TUB: variants seen among roughly 807,000 people sequenced by gnomAD.
TUB encodes tubby protein homolog.
A neutral mutation model predicts 59.7 loss-of-function variants in TUB; 33 were observed. The ratio of observed to expected loss-of-function variants is 0.55; its 90% confidence interval spans 0.42 to 0.74. The LOEUF (loss-of-function observed/expected upper bound fraction) is 0.74. TUB is among the 30% of genes least tolerant of loss of function. The pLI is 0.00. For missense variants in TUB, 659 were observed against 672.0 expected, an observed-to-expected ratio of 0.98 and a Z score of 0.21; for synonymous variants, 293 against 256.4, an observed-to-expected ratio of 1.14 and a Z score of -1.36.
In TUB at chr11:8,038,870, C is replaced by T. The variant is rs369936215; in HGVS notation, c.-4C>T. 27 of 1,613,650 alleles carry T rather than the reference C, an allele frequency of 1.7e-5. No individual in the cohort carries two copies. Among genetic ancestry groups the T allele is most frequent in the Non-Finnish European group, 2.3e-5 (27 of 1,179,826 alleles). On this transcript the variant is annotated 5_prime_UTR_variant, in exon 1 of 13. Transcript: ENST00000305253. ...CCTTAAACCCACTCCATCCTGTGGC[C>T]ACGATGGGGGCCAGGACACCTTTGC...
intron 8 of TUB, among the ~76,000 whole-genome samples, chr11:8,098,199 C>A (rs1944088438): frequency 6.6e-6 from 1 of 151,366 alleles, no homozygotes; most frequent in Admixed American, 6.6e-5. Context: ...ACACAGCAAT[C>A]TTGGGGGTGG....
chr11:8,081,043 C>CG (rs1310352723), upstream of TUB, among the ~76,000 whole-genome samples: 1 of 151,674 alleles, frequency 6.6e-6, no homozygotes, highest in African/African-American at 2.4e-5. Context: ...CGCCGTTAGC[C>CG]GAAGGTGGGA....
rs1406036856 is a variant in TUB, at chr11:8,103,486, G to A, written c.*1867G>A. On this transcript the variant is annotated 3_prime_UTR_variant, in exon 12 of 12. Coordinates refer to ENST00000299506, the MANE Select transcript of TUB (RefSeq NM_177972.3). ...AGAAGTAATATGCTCTCATTTCTTTGTAATCTAGATTTTCCTATGTTGAAT... is the reference window on the plus strand; with the variant it reads ...AGAAGTAATATGCTCTCATTTCTTTATAATCTAGATTTTCCTATGTTGAAT... 6.6e-6 allele frequency: 1 copy of A among 152,574 alleles called. No individual in the cohort carries two copies. The highest frequency in any genetic ancestry group is 1.5e-5 in the Non-Finnish European group (1 of 68,034). 9.5% of individuals were successfully genotyped at this position (152,574 alleles called of 1,614,324 possible). A position where few individuals can be genotyped will look rare whatever the true frequency, so the allele number is the denominator to read the frequency against.
At chr11:8,095,795 A>G in intron 5 of TUB, 130 bp downstream of exon 5, 1 of 1,015,240 alleles carries the variant, frequency 9.8e-7, no homozygotes, top group Non-Finnish European at 1.4e-6. Context: ...GGTGGGGCAC[A>G]CTTCGGAGAC....
In TUB at chr11:8,102,070, G is replaced by A. The variant is rs1009729564; in HGVS notation, c.*451G>A. 1.5e-4 allele frequency: 24 copies of A among 164,406 alleles called. No individual in the cohort carries two copies. The highest frequency in any genetic ancestry group is 2.9e-4 in the Non-Finnish European group (22 of 75,730). 10.2% of individuals were successfully genotyped at this position (164,406 alleles called of 1,614,324 possible). A position where few individuals can be genotyped will look rare whatever the true frequency, so the allele number is the denominator to read the frequency against. On this transcript the variant is annotated 3_prime_UTR_variant, in exon 12 of 12. Coordinates refer to ENST00000299506, the MANE Select transcript of TUB (RefSeq NM_177972.3). Reference sequence around the variant, plus strand: ...GTAGGGGCACAGTGAATGTGTGTATGTATGAAGGCCACATCAACTTTATGT... The same window carrying A: ...GTAGGGGCACAGTGAATGTGTGTATATATGAAGGCCACATCAACTTTATGT...
intron 1 of TUB, among the ~76,000 whole-genome samples, chr11:8,087,425 T>G (rs1943688744): frequency 6.6e-6 from 1 of 152,228 alleles, no homozygotes; most frequent in African/African-American, 2.4e-5. Context: ...TGGCCCCTCC[T>G]GCTGGCACAA....
At chr11:8,071,665 T>TACA (rs1943362288) in intron 2 of TUB, among the ~76,000 whole-genome samples, 1 of 152,098 alleles carries the variant, frequency 6.6e-6, no homozygotes, top group South Asian at 2.1e-4. Flanking sequence ...GCCAGGAGGA[T>TACA]GGGGTGGAAT....
chr11:8,051,956 A>C (rs1942941214), intron 2 of TUB, among the ~76,000 whole-genome samples: 1 of 152,200 alleles, frequency 6.6e-6, no homozygotes. Context: ...AGTATTTTGA[A>C]AGGCCATCTT....
chr11:8,044,888 AAG>A (rs1448835472), intron 2 of TUB, among the ~76,000 whole-genome samples: 1 of 152,216 alleles, frequency 6.6e-6, no homozygotes, highest in African/African-American at 2.4e-5. Context: ...AGCCAAATGG[AAG>A]AGACACCTAG....
chr11:8,053,464 A>G (rs1942964798), intron 2 of TUB, among the ~76,000 whole-genome samples: 1 of 152,050 alleles, frequency 6.6e-6, no homozygotes, highest in Non-Finnish European at 1.5e-5. Context: ...CTCTAACTCA[A>G]TAATTGTCTG....
chr11:8,081,286 G>C lies in TUB; in HGVS notation c.-225G>C. The stretch of plus-strand genomic sequence containing the variant: ...GCCTCCACGCGCGCGCACGACCCGC[G>C]CACTCCCGGAGCTTCGCCCATCTCG... On this transcript the variant is annotated 5_prime_UTR_variant, in exon 1 of 12. Coordinates refer to ENST00000299506, the MANE Select transcript of TUB (RefSeq NM_177972.3). The C allele has an allele frequency of 1.2e-6, 1 of 810,552 alleles. No homozygotes were observed. The highest frequency in any genetic ancestry group is 6.4e-4 in the Middle Eastern group (1 of 1,564). 50.2% of individuals were successfully genotyped at this position (810,552 alleles called of 1,614,324 possible).
rs576868019 is a variant in TUB at position 8,102,256 on chromosome 11, T to C, written c.*637T>C. 1.0e-3 allele frequency: 155 copies of C among 152,300 alleles called. No individual in the cohort carries two copies. The highest frequency in any genetic ancestry group is 3.3e-3 in the African/African-American group (138 of 41,516). 9.4% of individuals were successfully genotyped at this position (152,300 alleles called of 1,614,324 possible). A position where few individuals can be genotyped will look rare whatever the true frequency, so the allele number is the denominator to read the frequency against. ...GCAGGTGCCTGGCTTGCTGTGGCTATGGGAATCAGCTGGTGGCTAGGTTTC... is the reference window on the plus strand; with the variant it reads ...GCAGGTGCCTGGCTTGCTGTGGCTACGGGAATCAGCTGGTGGCTAGGTTTC... On this transcript the variant is annotated 3_prime_UTR_variant, in exon 12 of 12. Coordinates refer to ENST00000299506, the MANE Select transcript of TUB (RefSeq NM_177972.3).
intron 2 of TUB, among the ~76,000 whole-genome samples, chr11:8,047,911 T>C (rs556079033): frequency 6.6e-6 from 1 of 152,214 alleles, no homozygotes; most frequent in Non-Finnish European, 1.5e-5. Context: ...TGTGCCACCA[T>C]GCAATATAAC....
chr11:8,068,940 G>T (rs1943302528), intron 2 of TUB: 2 of 152,166 alleles, frequency 1.3e-5, no homozygotes, highest in South Asian at 4.1e-4. Context: ...CGCGATTTGG[G>T]GCAGGAAAGA....
At chr11:8,082,974 A>C (rs78447410) in intron 1 of TUB, among the ~76,000 whole-genome samples, 8,697 of 152,258 alleles carry the variant, frequency 0.057, 783 homozygotes, top group African/African-American at 0.2. Context: ...CTTCAGTCTC[A>C]CATGGATTAG....
chr11:8,070,950 A>AG (rs1413253575), intron 2 of TUB, among the ~76,000 whole-genome samples: 7 of 152,142 alleles, frequency 4.6e-5, no homozygotes, highest in Non-Finnish European at 1.0e-4. Context: ...AACAGACTGC[A>AG]GGGGGGCTGG....
rs1055522231 is a variant in TUB, at chr11:8,049,578, T to TATATATATATAGATAGATAG, written c.203+9889_203+9890insTATATATAGATAGATAGATA. Among the ~76,000 whole-genome samples, 176 of 85,918 alleles carry TATATATATATAGATAGATAG rather than the reference T, an allele frequency of 2.0e-3. 1 individual carries two copies. The highest frequency in any genetic ancestry group is 4.6e-3 in the African/African-American group (130 of 28,554). 56.4% of individuals were successfully genotyped at this position (85,918 alleles called of 152,430 possible). A position where few individuals can be genotyped will look rare whatever the true frequency, so the allele number is the denominator to read the frequency against. Reference sequence around the variant, plus strand: ...ATTATGTGGTATATATATATATATATATAGATAGATAGATAGATAGATAGA... The same window carrying TATATATATATAGATAGATAG: ...ATTATGTGGTATATATATATATATATATATATATATAGATAGATAGATAGATAGATAGATAGATAGATAGA... On this transcript the variant is annotated intron_variant, in intron 2 of 12. Coordinates refer to the TUB transcript ENST00000305253.
At chr11:8,042,543 T>C (rs1338438349) in intron 2 of TUB, among the ~76,000 whole-genome samples, 3 of 152,240 alleles carry the variant, frequency 2.0e-5, no homozygotes, top group African/African-American at 7.2e-5. Flanking sequence ...CCCAAGTGGT[T>C]GCTGCATTTT....
intron 5 of TUB, among the ~76,000 whole-genome samples, chr11:8,095,954 G>C (rs1464150853): frequency 2.0e-5 from 3 of 152,232 alleles, no homozygotes; most frequent in Non-Finnish European, 4.4e-5. Context: ...AGCAGGGCCA[G>C]GATACCAAGA....
Sources: allele counts gnomAD v4.1 joint callset (sites outside exome capture counted in the v4.1 genomes callset), GRCh38; gene constraint gnomAD v4.1.1; transcripts MANE v1.5; gene names NCBI Gene and HGNC (gene_info 2026-07-23, HGNC 2026-07-21).